FCHSD2: variants seen among roughly 807,000 people sequenced by gnomAD.
FCHSD2 encodes the protein F-BAR and double SH3 domains protein 2.
In FCHSD2, 38 loss-of-function variants were observed where a neutral mutation model predicts 108.1. The ratio of observed to expected loss-of-function variants is 0.35; its 90% confidence interval spans 0.27 to 0.46. The LOEUF is 0.46. Among genes scored for constraint, FCHSD2 ranks in the 20% least tolerant of loss-of-function variants. FCHSD2 has a pLI of 1.00. For missense variants in FCHSD2, 751 were observed against 897.8 expected (o/e 0.84, Z 2.09); for synonymous variants, 279 against 314.7 (o/e 0.89, Z 1.20).
intron 5 of FCHSD2, 99 bp downstream of exon 5, chr11:73,000,891 G>C: frequency 9.7e-7 from 1 of 1,028,578 alleles, no homozygotes; most frequent in Non-Finnish European, 1.4e-6. Context: ...AAACATATGG[G>C]ACCATATAGT....
intron 5 of FCHSD2, among the ~76,000 whole-genome samples, chr11:72,995,639 G>C (rs946138457): frequency 6.6e-6 from 1 of 151,748 alleles, no homozygotes; most frequent in Admixed American, 6.6e-5. Flanking sequence ...AAGAGGTTGA[G>C]GCCACAGTGA....
intron 10 of FCHSD2, among the ~76,000 whole-genome samples, chr11:72,895,994 T>C (rs1379017771): frequency 2.0e-5 from 3 of 152,324 alleles, no homozygotes; most frequent in South Asian, 2.1e-4. Context: ...ATTAACCCCA[T>C]GTAGACTTTT....
Position 73,032,808 on chromosome 11 carries a change from G to C in FCHSD2, c.166-16923C>G, listed in dbSNP as rs570663796. Among the ~76,000 whole-genome samples, 5 of 152,242 alleles carry C rather than the reference G, an allele frequency of 3.3e-5. No individual in the cohort carries two copies. In the East Asian group the frequency reaches 9.6e-4, roughly 29 times the overall value. ...AAGAAACTTCATACAAGCTGGCATG[G>C]AGCTTGTAAAAGGGAGAATGGCTTA... On this transcript the variant is annotated intron_variant, in intron 3 of 19. Transcript: ENST00000409418.
At chr11:72,977,741 T>C (rs1243698446) in intron 8 of FCHSD2, among the ~76,000 whole-genome samples, 1 of 152,204 alleles carries the variant, frequency 6.6e-6, no homozygotes, top group Admixed American at 6.5e-5. Context: ...TGTAAACTAG[T>C]TCAACCATTG....
At position 73,015,703 on chromosome 11, in the gene FCHSD2, G is replaced by A. The variant is rs532495339; in HGVS notation, c.242+106C>T. ...AAATTATATCCGAAAACACAGCAGAGGAAAGAAGTAATTCTTTTAAAAACT... is the reference window on the plus strand; with the variant it reads ...AAATTATATCCGAAAACACAGCAGAAGAAAGAAGTAATTCTTTTAAAAACT... On this transcript the variant is annotated intron_variant, in intron 4 of 19. Coordinates refer to ENST00000409418, the MANE Select transcript of FCHSD2 (RefSeq NM_014824.3). 124 of 593,612 alleles carry A rather than the reference G, an allele frequency of 2.1e-4. 1 individual carries two copies. Among genetic ancestry groups the A allele is most frequent in the East Asian group, 1.7e-3 (53 of 31,628 alleles). 36.8% of individuals were successfully genotyped at this position (593,612 alleles called of 1,614,324 possible).
chr11:72,855,474 T>G (rs1450010171), intron 13 of FCHSD2, among the ~76,000 whole-genome samples: 1 of 151,344 alleles, frequency 6.6e-6, no homozygotes, highest in East Asian at 1.9e-4. Flanking sequence ...AGACTCCATC[T>G]CAAAAAAAAA....
At chr11:72,891,051 G>A (rs1382951073) in intron 10 of FCHSD2, among the ~76,000 whole-genome samples, 3 of 152,048 alleles carry the variant, frequency 2.0e-5, no homozygotes, top group Non-Finnish European at 4.4e-5. Context: ...TGAGTAGCTG[G>A]AACTACAGGT....
At chr11:72,996,952 G>A (rs1446815017) in intron 5 of FCHSD2, among the ~76,000 whole-genome samples, 1 of 152,178 alleles carries the variant, frequency 6.6e-6, no homozygotes, top group Non-Finnish European at 1.5e-5. Flanking sequence ...GACAGAAACA[G>A]AAAGTGGCAT....
At chr11:73,107,129 T>C (rs1860363933) in intron 2 of FCHSD2, among the ~76,000 whole-genome samples, 1 of 152,170 alleles carries the variant, frequency 6.6e-6, no homozygotes, top group African/African-American at 2.4e-5. Context: ...CTCCGCCTCC[T>C]GGGTTTCTTG....
chr11:72,942,642 T>C (rs747313583), intron 8 of FCHSD2, among the ~76,000 whole-genome samples: 2 of 152,216 alleles, frequency 1.3e-5, no homozygotes, highest in African/African-American at 4.8e-5. Context: ...TTCTGGTACT[T>C]TGGTAATCAA....
At chr11:73,049,684 TAA>T (rs557262661) in intron 3 of FCHSD2, among the ~76,000 whole-genome samples, 1,236 of 75,612 alleles carry the variant, frequency 0.016, 19 homozygotes, top group African/African-American at 0.043. Context: ...TAGAGTATAA[TAA>T]AAAAAAAAAA....
Position 72,900,977 on chromosome 11 carries a change from T to C in FCHSD2, c.924+1566A>G, listed in dbSNP as rs536741543. On this transcript the variant is annotated intron_variant, in intron 10 of 19. Transcript: ENST00000409418. Reference sequence around the variant, plus strand: ...AATGCCAATGCGTGCCTTCTCATTTTGCAGAAGTTAAATTTCAATTTTTAT... The same window carrying C: ...AATGCCAATGCGTGCCTTCTCATTTCGCAGAAGTTAAATTTCAATTTTTAT... Among the ~76,000 whole-genome samples, 8 of 152,382 alleles carry C rather than the reference T, an allele frequency of 5.2e-5. No individual in the cohort carries two copies. In the South Asian group the frequency reaches 1.4e-3, roughly 28 times the overall value.
rs533109433 is a variant in FCHSD2 at position 73,097,384 on chromosome 11, A to T, written c.120-13644T>A. Among the ~76,000 whole-genome samples, 299 of 135,730 alleles carry T rather than the reference A, an allele frequency of 2.2e-3. 1 individual carries two copies. The highest frequency in any genetic ancestry group is 2.7e-3 in the African/African-American group (102 of 37,396). 89.0% of individuals were successfully genotyped at this position (135,730 alleles called of 152,430 possible). On this transcript the variant is annotated intron_variant, in intron 2 of 19. Coordinates refer to ENST00000409418, the MANE Select transcript of FCHSD2 (RefSeq NM_014824.3). Reference sequence around the variant, plus strand: ...TTTGTTTGGTTTATTTTATTTATTTATTTTTTTTTTTTGCATCTCTCTTCA... The same window carrying T: ...TTTGTTTGGTTTATTTTATTTATTTTTTTTTTTTTTTTGCATCTCTCTTCA...
intron 5 of FCHSD2, among the ~76,000 whole-genome samples, chr11:72,998,042 A>C (rs1175451494): frequency 2.0e-5 from 3 of 152,248 alleles, no homozygotes; most frequent in Non-Finnish European, 4.4e-5. Context: ...ACAGTATATT[A>C]ATAAACTTGT....
At chr11:73,023,269 G>GA (rs747017439) in intron 3 of FCHSD2, among the ~76,000 whole-genome samples, 10 of 151,886 alleles carry the variant, frequency 6.6e-5, no homozygotes, top group East Asian at 1.9e-4. Context: ...TGCAGATTAG[G>GA]AAAAAATACT....
At chr11:73,091,023 C>A (rs771745452) in intron 2 of FCHSD2, among the ~76,000 whole-genome samples, 2 of 152,046 alleles carry the variant, frequency 1.3e-5, no homozygotes, top group Non-Finnish European at 2.9e-5. Flanking sequence ...TATATGTGAC[C>A]TTTTGTGTCT....
chr11:73,023,793 T>A (rs747943617), intron 3 of FCHSD2, among the ~76,000 whole-genome samples: 1 of 152,202 alleles, frequency 6.6e-6, no homozygotes, highest in Non-Finnish European at 1.5e-5. Context: ...CAAACTGTGG[T>A]ACATAATTAT....
At chr11:72,892,906 T>TA (rs1855346686) in intron 10 of FCHSD2, among the ~76,000 whole-genome samples, 1 of 2,990 alleles carries the variant, frequency 3.3e-4, no homozygotes, top group Non-Finnish European at 9.3e-4. Flanking sequence ...GCGTGGCTGG[T>TA]AATTTTTTTT....
chr11:73,123,531 G>A (rs1406099629), intron 2 of FCHSD2, among the ~76,000 whole-genome samples: 1 of 152,186 alleles, frequency 6.6e-6, no homozygotes, highest in African/African-American at 2.4e-5. Flanking sequence ...AAAGTGCACA[G>A]GTGACTCTTG....
Sources: allele counts gnomAD v4.1 joint callset (sites outside exome capture counted in the v4.1 genomes callset), GRCh38; gene constraint gnomAD v4.1.1; transcripts MANE v1.5; gene names NCBI Gene and HGNC (gene_info 2026-07-23, HGNC 2026-07-21).